The following PTPRO variants were observed in gnomAD, a reference collection of about 807,000 sequenced individuals.
PTPRO encodes protein tyrosine phosphatase receptor type O.
PTPRO carries 62 observed loss-of-function variants against 145.2 expected under a neutral mutation model. That is an observed-to-expected ratio of 0.43 (90% CI 0.35 to 0.53). The LOEUF (loss-of-function observed/expected upper bound fraction) is 0.53. Ranked by LOEUF, PTPRO falls within the 20% of genes least tolerant of loss-of-function variation. PTPRO has a pLI of 0.01. For synonymous variants in PTPRO, 565 were observed against 514.7 expected (o/e 1.10, Z -1.32); for missense variants, 1,345 against 1,482.7 (o/e 0.91, Z 1.53).
chr12:15,392,732 AAAAAAAAAAAGAAG>A (rs1939223300), intron 1 of PTPRO, among the ~76,000 whole-genome samples: 1 of 151,190 alleles, frequency 6.6e-6, no homozygotes, highest in Non-Finnish European at 1.5e-5. Context: ...AAAAAAAAAA[AAAAAAAAAAAGAAG>A]AAAAAAGAAG....
At chr12:15,439,648 A>T (rs751007436) in intron 1 of PTPRO, 11 of 401,168 alleles carry the variant, frequency 2.7e-5, no homozygotes, top group Non-Finnish European at 4.9e-5. Flanking sequence ...ACAGCCATGG[A>T]CAGAGCTGGG....
chr12:15,522,415 T>C (rs952640758), intron 10 of PTPRO, among the ~76,000 whole-genome samples: 1 of 149,746 alleles, frequency 6.7e-6, no homozygotes, highest in East Asian at 2.0e-4. Context: ...CTCCCTCCCC[T>C]TGCCCCCACC....
In PTPRO at chr12:15,499,529, C is replaced by A; in HGVS notation, c.596C>A (p.Thr199Asn). The A allele has an allele frequency of 6.2e-7, 1 of 1,613,842 alleles. No individual in the cohort carries two copies. Among genetic ancestry groups the A allele is most frequent in the Non-Finnish European group, 8.5e-7 (1 of 1,179,812 alleles). The change falls in exon 4 of 27, where the codon ACT (threonine) becomes AAT (asparagine). Residue 199 changes from threonine (T) to asparagine (N), a missense_variant. Around this residue, in one of 3 missense-constraint regions of PTPRO, gnomAD observed 1,130 missense variants for 1,214.7 expected, o/e 0.93. Coordinates refer to ENST00000281171, the MANE Select transcript of PTPRO (RefSeq NM_030667.3). ...NITFQLVSEA[T>N]FNKSTLVEYS... Reference sequence around the variant, plus strand: ...ACCTTTCAGCTGGTATCTGAGGCAACTTTTAATAAAAGTACCCTTGTTGAG... The same window carrying A: ...ACCTTTCAGCTGGTATCTGAGGCAAATTTTAATAAAAGTACCCTTGTTGAG...
intron 1 of PTPRO, among the ~76,000 whole-genome samples, chr12:15,360,121 T>C (rs1158318872): frequency 6.6e-6 from 1 of 152,198 alleles, no homozygotes; most frequent in African/African-American, 2.4e-5. Flanking sequence ...GCTTTTCAAA[T>C]TCCCCAGCAT....
intron 2 of PTPRO, among the ~76,000 whole-genome samples, chr12:15,492,051 T>G (rs1047623082): frequency 5.3e-5 from 8 of 152,206 alleles, no homozygotes; most frequent in Admixed American, 5.2e-4. Flanking sequence ...TCTGACTCAG[T>G]GAATGAATCT....
intron 7 of PTPRO, among the ~76,000 whole-genome samples, chr12:15,511,261 C>A (rs907381327): frequency 1.3e-5 from 2 of 152,324 alleles, no homozygotes; most frequent in African/African-American, 4.8e-5. Flanking sequence ...ACTTAACATG[C>A]AGAATGCAGA....
At chr12:15,549,939 T>C (rs1299184527) in intron 14 of PTPRO, among the ~76,000 whole-genome samples, 4 of 152,194 alleles carry the variant, frequency 2.6e-5, no homozygotes, top group Non-Finnish European at 5.9e-5. Flanking sequence ...GGTTTTCTGT[T>C]TTTAATTTTT....
intron 12 of PTPRO, among the ~76,000 whole-genome samples, chr12:15,540,330 T>C (rs1943155986): frequency 6.6e-6 from 1 of 152,262 alleles, no homozygotes; most frequent in South Asian, 2.1e-4. Context: ...ATATAGATGT[T>C]AACATTTATG....
chr12:15,443,440 G>C (rs564912331), intron 1 of PTPRO, among the ~76,000 whole-genome samples: 1 of 152,044 alleles, frequency 6.6e-6, no homozygotes, highest in Admixed American at 6.6e-5. Context: ...TCGGCCTGGG[G>C]AAAGTATTGA....
At chr12:15,440,320 T>C (rs776054653) in intron 1 of PTPRO, 1 of 490,348 alleles carries the variant, frequency 2.0e-6, no homozygotes, top group Non-Finnish European at 3.6e-6. Context: ...TGTCTCCCTA[T>C]CAGGAATTCA....
intron 1 of PTPRO, among the ~76,000 whole-genome samples, chr12:15,330,639 C>T (rs1460901009): frequency 2.0e-5 from 3 of 152,214 alleles, no homozygotes; most frequent in African/African-American, 7.2e-5. Flanking sequence ...TCCACCCTGG[C>T]CAGCCCCCAT....
chr12:15,551,771 T>C (rs1943468146), intron 15 of PTPRO, 100 bp downstream of exon 15: 4 of 1,347,064 alleles, frequency 3.0e-6, no homozygotes, highest in African/African-American at 2.9e-5. Context: ...TAGCGGTATA[T>C]TGGATTTTAG....
intron 1 of PTPRO, among the ~76,000 whole-genome samples, chr12:15,332,032 C>T (rs564170943): frequency 7.5e-6 from 1 of 132,904 alleles, no homozygotes; most frequent in South Asian, 2.4e-4. Flanking sequence ...GTGACATGAT[C>T]TAGGCTCACT....
rs1267806392 is a variant in PTPRO at position 15,516,755 on chromosome 12, C to G, written c.1586-8C>G. On this transcript the variant is annotated splice_region_variant and splice_polypyrimidine_tract_variant and intron_variant, in intron 8 of 26. Transcript: ENST00000281171. ...TTCTTTTTCTACCCCCTGCCCTCTT[C>G]TTTCTAGTTCCCACAGGAATAAAGG... is the stretch of plus-strand genomic sequence containing the variant. 1.3e-6 allele frequency: 2 copies of G among 1,597,954 alleles called. No individual in the cohort carries two copies. Among genetic ancestry groups the G allele is most frequent in the South Asian group, 2.2e-5 (2 of 90,752 alleles).
rs929099929 is a variant in PTPRO at position 15,416,216 on chromosome 12, C to T, written c.76-67758C>T. Among the ~76,000 whole-genome samples, 7 of 151,650 alleles carry T rather than the reference C, an allele frequency of 4.6e-5. No homozygotes were observed. The East Asian group carries it at 9.7e-4, about 21-fold the overall frequency. On this transcript the variant is annotated intron_variant, in intron 1 of 26. Coordinates refer to ENST00000281171, the MANE Select transcript of PTPRO (RefSeq NM_030667.3). The stretch of plus-strand genomic sequence containing the variant: ...ACCTTTCCCAATACTATGCCCTTGT[C>T]GTGTTGAATGAACGAATGAATCATG...
At chr12:15,419,750 G>T in intron 1 of PTPRO, among the ~76,000 whole-genome samples, 1 of 150,402 alleles carries the variant, frequency 6.6e-6, no homozygotes, top group African/African-American at 2.5e-5. Flanking sequence ...TTTTTTCCCA[G>T]AGAAAATAGA....
chr12:15,500,749 C>G (rs1390352035), intron 4 of PTPRO, among the ~76,000 whole-genome samples: 2 of 152,044 alleles, frequency 1.3e-5, no homozygotes, highest in African/African-American at 4.8e-5. Context: ...TGGTGAAACC[C>G]CATCTCTACT....
chr12:15,461,600 G>A (rs915687850), intron 1 of PTPRO, among the ~76,000 whole-genome samples: 2 of 114,606 alleles, frequency 1.7e-5, no homozygotes, highest in Admixed American at 1.3e-4. Flanking sequence ...ACAGAATCTC[G>A]CTCTGTCGCC....
chr12:15,554,062 C>T (rs1242220506), intron 15 of PTPRO, among the ~76,000 whole-genome samples: 1 of 152,160 alleles, frequency 6.6e-6, no homozygotes, highest in East Asian at 1.9e-4. Flanking sequence ...GGCGTGGTGG[C>T]ACATGCCTGT....
Sources: allele counts gnomAD v4.1 joint callset (sites outside exome capture counted in the v4.1 genomes callset), GRCh38; gene constraint gnomAD v4.1.1; regional missense constraint gnomAD v4.1.1; transcripts MANE v1.5; gene names NCBI Gene and HGNC (gene_info 2026-07-23, HGNC 2026-07-21).